DST: variants seen among roughly 807,000 people sequenced by gnomAD.
DST encodes the protein bullous pemphigoid antigen.
In DST, 253 loss-of-function variants were observed where a neutral mutation model predicts 875.2. The observed-to-expected ratio is 0.29, with a 90% CI of 0.26 to 0.32. DST has a LOEUF of 0.32. Ranked by LOEUF, DST falls within the 10% of genes least tolerant of loss-of-function variation. The pLI is 1.00. For synonymous variants in DST, 3,124 were observed against 3,197.1 expected (o/e 0.98, Z 0.77); for missense variants, 8,287 against 9,111.6 (o/e 0.91, Z 3.68).
Position 56,607,172 on chromosome 6 carries a change from A to G in DST, c.7456T>C (p.Phe2486Leu), listed in dbSNP as rs1275237946. The G allele has an allele frequency of 1.2e-6, 2 of 1,613,310 alleles. No homozygotes were observed. Among genetic ancestry groups the G allele is most frequent in the Non-Finnish European group, 1.7e-6 (2 of 1,179,586 alleles). ...GCAATTCCCAGAAACTGGTCTTGAA[A>G]TTTTTCTCCTATTCTTTGACCTGAC... ...MLSGQRIGEK[F>L]QDQFLGIAAI... Residue 2486 changes from phenylalanine to leucine, a missense_variant, in exon 40 of 104, where the codon TTT becomes CTT. Around this residue, in one of 10 missense-constraint regions of DST, gnomAD observed 3,138 missense variants for 3,116.6 expected, o/e 1.01. Transcript: ENST00000680361.
At chr6:56,704,253 A>G (rs775694617) in intron 6 of DST, 27 bp downstream of exon 6, 2 of 1,223,208 alleles carry the variant, frequency 1.6e-6, no homozygotes, top group South Asian at 2.8e-5. Context: ...ACGTTCTTCA[A>G]AATAAAATAA....
At chr6:56,491,409 TAA>T (rs2095735863) in intron 85 of DST, among the ~76,000 whole-genome samples, 1 of 152,130 alleles carries the variant, frequency 6.6e-6, no homozygotes, top group Non-Finnish European at 1.5e-5. Flanking sequence ...AAATTTCTAG[TAA>T]AAATCAAATG....
intron 2 of DST, among the ~76,000 whole-genome samples, chr6:56,952,811 T>A (rs1823026136): frequency 6.6e-6 from 1 of 152,128 alleles, no homozygotes; most frequent in Non-Finnish European, 1.5e-5. Context: ...ACCTCACTTA[T>A]CCTCTCAAGA....
chr6:56,951,155 T>C (rs1164790348), intron 2 of DST, among the ~76,000 whole-genome samples: 7 of 152,204 alleles, frequency 4.6e-5, no homozygotes, highest in Admixed American at 3.9e-4. Context: ...AAGCAATACA[T>C]TCTGCCAAGT....
At chr6:56,655,160 C>CA (rs11365303) in intron 10 of DST, among the ~76,000 whole-genome samples, 3,222 of 56,386 alleles carry the variant, frequency 0.057, 115 homozygotes, top group African/African-American at 0.092. Context: ...GACTTTGCCT[C>CA]AAAAAAAAAA....
At chr6:56,943,629 C>T (rs747226694) in intron 2 of DST, among the ~76,000 whole-genome samples, 4 of 151,466 alleles carry the variant, frequency 2.6e-5, no homozygotes, top group Non-Finnish European at 5.9e-5. Flanking sequence ...GAAGGGGTTT[C>T]TCTATGTTGG....
rs377413739 is a variant in DST, at chr6:56,604,418, T to C, written c.10210A>G (p.Thr3404Ala). ...TTSQLVNEAS[T>A]VPSDSQMSDS... ...CTCATTTGAGAGTCGCTGGGCACAG[T>C]AGATGCCTCATTTACCAACTGTGAT... The change falls in exon 40 of 104, where the codon ACT (threonine) becomes GCT (alanine). Residue 3404 changes from threonine to alanine, a missense_variant. Coordinates refer to ENST00000680361, the MANE Select transcript of DST (RefSeq NM_001374736.1). 349 of 1,610,000 alleles carry C rather than the reference T, an allele frequency of 2.2e-4. No homozygotes were observed. The highest frequency in any genetic ancestry group is 2.6e-4 in the Non-Finnish European group (309 of 1,177,724).
At chr6:56,664,710 G>A (rs1004935845) in intron 10 of DST, among the ~76,000 whole-genome samples, 4 of 151,998 alleles carry the variant, frequency 2.6e-5, no homozygotes, top group Non-Finnish European at 5.9e-5. Flanking sequence ...GTAAGGTTAG[G>A]GGCAATAGTA....
At chr6:56,658,539 G>A (rs2099022322) in intron 10 of DST, among the ~76,000 whole-genome samples, 1 of 152,210 alleles carries the variant, frequency 6.6e-6, no homozygotes, top group South Asian at 2.1e-4. Context: ...TTACGTGAAA[G>A]TAGTTGTGAA....
At chr6:56,824,941 G>A (rs1453209038) in intron 4 of DST, among the ~76,000 whole-genome samples, 17 of 152,084 alleles carry the variant, frequency 1.1e-4, no homozygotes, top group East Asian at 3.9e-4. Flanking sequence ...CTGCCCGGCC[G>A]CCCCTACTGG....
At position 56,552,598 on chromosome 6, in the gene DST, G is replaced by A. The variant is rs763296327; in HGVS notation, c.16194C>T (p.Phe5398=). Residue 5398 remains phenylalanine, a synonymous_variant, in exon 61 of 104, where the codon TTC becomes TTT. Coordinates refer to ENST00000680361, the MANE Select transcript of DST (RefSeq NM_001374736.1). ...TATCCAGTTCATCATCAAACTCTGCGAACTGAGAAAACATTTCTCGAATGG... is the reference window on the plus strand; with the variant it reads ...TATCCAGTTCATCATCAAACTCTGCAAACTGAGAAAACATTTCTCGAATGG... The part of the protein sequence containing the change: ...QNTIREMFSQ[F]AEFDDELDSM... The A allele has an allele frequency of 3.8e-5, 61 of 1,613,764 alleles. 1 individual carries two copies. In the Admixed American group the frequency reaches 5.2e-4, roughly 14 times the overall value.
intron 3 of DST, among the ~76,000 whole-genome samples, chr6:56,853,067 A>T (rs1766055584): frequency 1.3e-5 from 2 of 152,116 alleles, no homozygotes; most frequent in Admixed American, 1.3e-4. Flanking sequence ...GTAGGTGTAA[A>T]CCCCATTATT....
At chr6:56,477,242 T>A in intron 91 of DST, 103 bp downstream of exon 91, 2 of 1,276,014 alleles carry the variant, frequency 1.6e-6, no homozygotes, top group South Asian at 3.5e-5. Flanking sequence ...TGTAGAGGTC[T>A]CATTTTCCCA....
intron 90 of DST, among the ~76,000 whole-genome samples, 191 bp from the exon 91 acceptor site, chr6:56,477,679 C>T (rs930975403): frequency 3.9e-5 from 6 of 152,172 alleles, no homozygotes; most frequent in Non-Finnish European, 1.5e-5. Flanking sequence ...CTAACATGTA[C>T]TTCAAAATAC....
chr6:56,703,799 G>C (rs575969389), intron 6 of DST, 53 bp from the exon 7 acceptor site: 100 of 603,702 alleles, frequency 1.7e-4, no homozygotes, highest in African/African-American at 1.6e-3. Context: ...AGACAGACCA[G>C]AAATGAAAAG....
intron 3 of DST, among the ~76,000 whole-genome samples, chr6:56,870,892 G>A (rs905353052): frequency 6.6e-6 from 1 of 151,066 alleles, no homozygotes; most frequent in African/African-American, 2.5e-5. Flanking sequence ...TTAAATAAAG[G>A]GAAAAGAGTA....
At chr6:56,797,022 TC>T (rs2099740678) in intron 4 of DST, among the ~76,000 whole-genome samples, 1 of 152,246 alleles carries the variant, frequency 6.6e-6, no homozygotes, top group Non-Finnish European at 1.5e-5. Context: ...CAACCCTGTG[TC>T]AAGCAAGTTT....
chr6:56,641,709 C>T (rs2098905690), intron 17 of DST, among the ~76,000 whole-genome samples: 1 of 152,016 alleles, frequency 6.6e-6, no homozygotes. Flanking sequence ...TTCATTTTAA[C>T]GAGTTAGTTA....
intron 9 of DST, among the ~76,000 whole-genome samples, chr6:56,673,145 T>C (rs1563600005): frequency 6.6e-6 from 1 of 152,056 alleles, no homozygotes. Context: ...TCCCAGCTAC[T>C]AGCCGAGGCA....
Sources: gnomAD v4.1 joint callset for allele counts (sites outside exome capture counted in the v4.1 genomes callset) on GRCh38, gnomAD v4.1.1 for gene constraint, gnomAD v4.1.1 regional missense constraint, MANE v1.5 for transcripts, NCBI Gene and HGNC (gene_info 2026-07-23, HGNC 2026-07-21) for gene names.